The following FRMPD4 variants were observed in gnomAD, a reference collection of about 807,000 sequenced individuals.
FRMPD4 encodes the protein FERM and PDZ domain-containing protein 4.
In FRMPD4, 22 loss-of-function variants were observed where a neutral mutation model predicts 94.1. The ratio of observed to expected loss-of-function variants is 0.23; its 90% CI spans 0.17 to 0.33. The LOEUF (loss-of-function observed/expected upper bound fraction) is 0.33. Ranked by LOEUF, FRMPD4 falls within the 10% of genes least tolerant of loss-of-function variation. The probability of loss-of-function intolerance (pLI) is 1.00; values close to 1 mark genes in which losing one functional copy is unlikely to be tolerated. For missense variants in FRMPD4, 1,111 were observed against 1,339.9 expected (o/e 0.83, Z 2.67); for synonymous variants, 631 against 548.6 (o/e 1.15, Z -2.10).
chrX:12,475,377 A>G (rs867833144), intron 1 of FRMPD4, among the ~76,000 whole-genome samples: 37 of 111,595 alleles, frequency 3.3e-4, no homozygotes, highest in Middle Eastern at 4.6e-3. Flanking sequence ...GCAAAAACTG[A>G]AAGCATTCCC....
intron 4 of FRMPD4, among the ~76,000 whole-genome samples, chrX:12,646,389 T>A (rs1445556084): frequency 8.9e-6 from 1 of 111,950 alleles, no homozygotes; most frequent in Non-Finnish European, 1.9e-5. Flanking sequence ...TGCTTTGCCA[T>A]GGATAAAGTA....
chrX:12,242,521 T>C (rs1250457467), intron 1 of FRMPD4, among the ~76,000 whole-genome samples: 1 of 112,363 alleles, frequency 8.9e-6, no homozygotes, highest in African/African-American at 3.2e-5. Context: ...ACACAAAGCA[T>C]TTAGAACAAA....
At chrX:12,414,649 A>G (rs958366587) in intron 1 of FRMPD4, among the ~76,000 whole-genome samples, 2 of 111,675 alleles carry the variant, frequency 1.8e-5, no homozygotes, top group Non-Finnish European at 3.8e-5. Context: ...CAGGCCTTGA[A>G]AGCCTTCATC....
At chrX:11,944,407 T>A (rs1454381320) in intron 3 of FRMPD4, among the ~76,000 whole-genome samples, 1 of 112,189 alleles carries the variant, frequency 8.9e-6, no homozygotes, top group Non-Finnish European at 1.9e-5. Context: ...TTGCATCTTT[T>A]AATCTTCATT....
intron 3 of FRMPD4, among the ~76,000 whole-genome samples, chrX:12,051,293 T>C (rs1474953732): frequency 9.0e-6 from 1 of 111,637 alleles, no homozygotes; most frequent in East Asian, 2.8e-4. Flanking sequence ...GTATTTTTAA[T>C]CATAAATGTT....
chrX:12,149,104 A>G (rs773434327), intron 1 of FRMPD4: 36 of 111,896 alleles, frequency 3.2e-4, no homozygotes, highest in African/African-American at 1.0e-3. Flanking sequence ...TTGACTTCCA[A>G]GTCTCATTAT....
chrX:12,025,048 A>G (rs372816789), intron 3 of FRMPD4, among the ~76,000 whole-genome samples: 1 of 103,770 alleles, frequency 9.6e-6, no homozygotes, highest in Non-Finnish European at 1.9e-5. Context: ...TTTATTGTAC[A>G]ATTTTTTTTT....
intron 1 of FRMPD4, among the ~76,000 whole-genome samples, chrX:12,404,425 T>G (rs1363558912): frequency 8.9e-6 from 1 of 112,353 alleles, no homozygotes; most frequent in Non-Finnish European, 1.9e-5. Flanking sequence ...GTTGAAGAAG[T>G]CATGTCTTGT....
intron 1 of FRMPD4, among the ~76,000 whole-genome samples, chrX:12,479,868 A>G (rs1302939225): frequency 9.1e-6 from 1 of 110,016 alleles, no homozygotes; most frequent in East Asian, 2.8e-4. Context: ...CTCTACTAGG[A>G]AATGGGTCCC....
chrX:11,835,978 G>C (rs2053499210), intron 1 of FRMPD4, among the ~76,000 whole-genome samples: 1 of 111,977 alleles, frequency 8.9e-6, no homozygotes, highest in African/African-American at 3.2e-5. Flanking sequence ...CCTACATTAT[G>C]ATAGAAACTT....
intron 8 of FRMPD4, among the ~76,000 whole-genome samples, chrX:12,693,434 T>C (rs2060097126): frequency 8.9e-6 from 1 of 112,422 alleles, no homozygotes; most frequent in Non-Finnish European, 1.9e-5. Context: ...TGACACATAT[T>C]ATGCTGTATA....
chrX:12,100,657 T>G (rs1030032018), intron 3 of FRMPD4, among the ~76,000 whole-genome samples: 2 of 112,507 alleles, frequency 1.8e-5, no homozygotes, highest in Non-Finnish European at 3.8e-5. Flanking sequence ...ATTAATTTGT[T>G]GCTGTCTTCT....
intron 14 of FRMPD4, among the ~76,000 whole-genome samples, 161 bp downstream of exon 14, chrX:12,710,698 G>A (rs917971065): frequency 1.8e-5 from 2 of 111,479 alleles, no homozygotes; most frequent in African/African-American, 6.5e-5. Context: ...ACGAGGTCAG[G>A]CTTTCGAGAC....
At chrX:12,375,648 G>A (rs1044658691) in intron 1 of FRMPD4, among the ~76,000 whole-genome samples, 2 of 112,217 alleles carry the variant, frequency 1.8e-5, no homozygotes, top group South Asian at 3.7e-4. Context: ...AAGGTCAGCC[G>A]ATCAATAAAC....
At chrX:12,110,203 T>C (rs2055344433) in intron 3 of FRMPD4, among the ~76,000 whole-genome samples, 1 of 111,831 alleles carries the variant, frequency 8.9e-6, no homozygotes, top group Non-Finnish European at 1.9e-5. Flanking sequence ...CAGCAACACA[T>C]CAAAAAGCTT....
intron 1 of FRMPD4, among the ~76,000 whole-genome samples, chrX:11,831,608 A>G (rs979463730): frequency 9.0e-6 from 1 of 111,599 alleles, no homozygotes; most frequent in Non-Finnish European, 1.9e-5. Flanking sequence ...ATGGGACTGG[A>G]TAGATTACCC....
intron 1 of FRMPD4, among the ~76,000 whole-genome samples, chrX:12,392,061 T>G (rs1240585180): frequency 9.2e-6 from 1 of 109,210 alleles, no homozygotes; most frequent in African/African-American, 3.3e-5. Context: ...TGAGAAAGAG[T>G]CTCGTTCTGT....
Position 12,716,668 on chromosome X carries a change from C to G in FRMPD4, c.2209C>G (p.His737Asp). The G allele has an allele frequency of 8.3e-7, 1 of 1,210,738 alleles. No individual in the cohort carries two copies. The highest frequency in any genetic ancestry group is 1.1e-6 in the Non-Finnish European group (1 of 894,534). The change falls in exon 15 of 17, where the codon CAT becomes GAT. Residue 737 changes from histidine to aspartate, a missense_variant. Around this residue, in one of 8 missense-constraint regions of FRMPD4, gnomAD observed 192 missense variants for 192.5 expected, o/e 1.00. Transcript: ENST00000675598. Reference protein sequence around the residue: ...AAEGIEEPLLHDICYAENTDD... With the variant: ...AAEGIEEPLLDDICYAENTDD... ...GGAGGGGATCGAGGAACCCCTCTTG[C>G]ATGACATCTGTTATGCAGAAAACAC...
chrX:12,332,207 TAGAGAGAGAGAG>T (rs531737337), intron 1 of FRMPD4, among the ~76,000 whole-genome samples: 1,487 of 59,522 alleles, frequency 0.025, 103 homozygotes, highest in African/African-American at 0.079. Flanking sequence ...TATATATATA[TAGAGAGAGAGAG>T]AGAGAGAGAG....
Sources: allele counts gnomAD v4.1 joint callset (sites outside exome capture counted in the v4.1 genomes callset), GRCh38; gene constraint gnomAD v4.1.1; regional missense constraint gnomAD v4.1.1; transcripts MANE v1.5; gene names NCBI Gene and HGNC (gene_info 2026-07-23, HGNC 2026-07-21).